Variants in RHOT1 observed in about 807,000 individuals in gnomAD.
RHOT1 encodes ras homolog family member T1.
RHOT1 carries 27 observed loss-of-function variants against 95.3 expected under a neutral mutation model. That is an observed-to-expected ratio of 0.28 (90% CI 0.21 to 0.39). The LOEUF is 0.39. Among genes scored for constraint, RHOT1 ranks in the 10% least tolerant of loss-of-function variants. RHOT1 has a pLI of 1.00. For synonymous variants in RHOT1, 227 were observed against 263.5 expected, an observed-to-expected ratio of 0.86 and a Z score of 1.34; for missense variants, 578 against 786.7, an observed-to-expected ratio of 0.73 and a Z score of 3.17.
chr17:32,185,709 C>CTT (rs57965854), intron 8 of RHOT1, among the ~76,000 whole-genome samples: 19 of 126,726 alleles, frequency 1.5e-4, no homozygotes, highest in East Asian at 2.3e-4. Context: ...TGCCCGGCCT[C>CTT]TTTTTTTTTT....
chr17:32,147,818 C>G (rs1053406994), intron 1 of RHOT1, among the ~76,000 whole-genome samples: 2 of 115,050 alleles, frequency 1.7e-5, no homozygotes, highest in Admixed American at 1.8e-4. Flanking sequence ...GACTCCATTT[C>G]AAAAAAAAAA....
At chr17:32,163,408 A>G (rs1411379328) in intron 1 of RHOT1, among the ~76,000 whole-genome samples, 2 of 152,194 alleles carry the variant, frequency 1.3e-5, no homozygotes, top group Non-Finnish European at 2.9e-5. Context: ...CATTTTTAAA[A>G]TTTTTCTTTT....
chr17:32,199,690 A>C (rs1421444117), intron 13 of RHOT1, 140 bp downstream of exon 13: 1 of 595,700 alleles, frequency 1.7e-6, no homozygotes, highest in African/African-American at 1.9e-5. Flanking sequence ...TTAGCTGCTG[A>C]TATCTCTAAG....
chr17:32,200,866 G>T, intron 13 of RHOT1, 90 bp from the exon 14 acceptor site: 1 of 840,472 alleles, frequency 1.2e-6, no homozygotes, highest in Non-Finnish European at 2.0e-6. Flanking sequence ...TCTAGGTCTG[G>T]TGCATAAAGT....
intron 1 of RHOT1, among the ~76,000 whole-genome samples, chr17:32,166,811 C>T (rs1457444694): frequency 6.6e-6 from 1 of 152,280 alleles, no homozygotes; most frequent in African/African-American, 2.4e-5. Flanking sequence ...TCTGCAATTC[C>T]TTCATTGAGG....
intron 8 of RHOT1, among the ~76,000 whole-genome samples, chr17:32,184,971 G>A (rs1052804205): frequency 1.3e-5 from 2 of 151,690 alleles, no homozygotes; most frequent in Non-Finnish European, 1.5e-5. Context: ...CCCAGGCTGG[G>A]GTGCAGTGAC....
chr17:32,143,021 C>A, intron 1 of RHOT1: 1 of 702,196 alleles, frequency 1.4e-6, no homozygotes, highest in East Asian at 2.8e-5. Flanking sequence ...CCTAACCGCC[C>A]GACCTCATCC....
chr17:32,221,800 A>T (rs2038851521), intron 19 of RHOT1, among the ~76,000 whole-genome samples: 1 of 152,216 alleles, frequency 6.6e-6, no homozygotes, highest in South Asian at 2.1e-4. Context: ...GTCAGTCAGA[A>T]TATATTATTT....
At chr17:32,205,533 C>G (rs2037650910) in intron 16 of RHOT1, among the ~76,000 whole-genome samples, 1 of 152,180 alleles carries the variant, frequency 6.6e-6, no homozygotes, top group Admixed American at 6.5e-5. Flanking sequence ...ATAGGCTACT[C>G]TAGGCACACT....
chr17:32,176,149 T>C lies in RHOT1; in HGVS notation c.277-12T>C. Reference sequence around the variant, plus strand: ...CTTATCATGGCTAAGCGCTTGTTAATTTTCATTTTAGGTAACAAGTCGATG... The same window carrying C: ...CTTATCATGGCTAAGCGCTTGTTAACTTTCATTTTAGGTAACAAGTCGATG... On this transcript the variant is annotated splice_polypyrimidine_tract_variant and intron_variant, in intron 5 of 19. Coordinates refer to ENST00000545287, the MANE Select transcript of RHOT1 (RefSeq NM_001033566.3). 2 of 1,610,660 alleles carry C rather than the reference T, an allele frequency of 1.2e-6. No homozygotes were observed. The highest frequency in any genetic ancestry group is 1.7e-6 in the Non-Finnish European group (2 of 1,178,662).
At chr17:32,196,845 C>T (rs1386703416) in intron 11 of RHOT1, among the ~76,000 whole-genome samples, 5 of 151,980 alleles carry the variant, frequency 3.3e-5, no homozygotes, top group African/African-American at 7.2e-5. Context: ...CTTTGGGGGC[C>T]GGGTGTGGTG....
intron 1 of RHOT1, chr17:32,150,759 T>A: frequency 6.3e-7 from 1 of 1,594,438 alleles, no homozygotes; most frequent in South Asian, 1.1e-5. Flanking sequence ...ACTGAGTATC[T>A]TGCATTTGGA....
intron 8 of RHOT1, among the ~76,000 whole-genome samples, chr17:32,185,385 T>C (rs1205145473): frequency 6.6e-6 from 1 of 151,908 alleles, no homozygotes; most frequent in Non-Finnish European, 1.5e-5. Context: ...GCTGGAATTA[T>C]AGGCGTGAAC....
intron 6 of RHOT1, among the ~76,000 whole-genome samples, chr17:32,181,561 G>A (rs1428527733): frequency 6.6e-6 from 1 of 151,954 alleles, no homozygotes; most frequent in Non-Finnish European, 1.5e-5. Flanking sequence ...AAATTTGTTA[G>A]TGATAGTGAA....
intron 13 of RHOT1, 54 bp downstream of exon 13, chr17:32,199,604 G>T: frequency 7.0e-7 from 1 of 1,436,864 alleles, no homozygotes; most frequent in East Asian, 2.5e-5. Context: ...TTAAAATTAT[G>T]GTGTATTACA....
chr17:32,213,340 T>G (rs1598460548), intron 19 of RHOT1, among the ~76,000 whole-genome samples: 2 of 152,210 alleles, frequency 1.3e-5, no homozygotes, highest in African/African-American at 4.8e-5. Context: ...TTGGTAGATA[T>G]GTACTGTTTT....
At chr17:32,150,356 C>CT (rs375982172) in intron 1 of RHOT1, 21,649 of 301,826 alleles carry the variant, frequency 0.072, no homozygotes, top group East Asian at 0.099. Flanking sequence ...TGCTAATGAA[C>CT]TTTTTTTTTT....
chr17:32,152,181 A>G (rs931991371), intron 1 of RHOT1, among the ~76,000 whole-genome samples: 19 of 152,224 alleles, frequency 1.2e-4, no homozygotes, highest in African/African-American at 4.3e-4. Flanking sequence ...GAGTAAAGCT[A>G]CTTGATTATT....
At chr17:32,187,183 A>G (rs188894756) in intron 8 of RHOT1, among the ~76,000 whole-genome samples, 2 of 152,148 alleles carry the variant, frequency 1.3e-5, no homozygotes, top group East Asian at 3.9e-4. Context: ...GCTACTCGGG[A>G]GGCTGAGGCA....
Sources: allele counts gnomAD v4.1 joint callset (sites outside exome capture counted in the v4.1 genomes callset), GRCh38; gene constraint gnomAD v4.1.1; transcripts MANE v1.5; gene names NCBI Gene and HGNC (gene_info 2026-07-23, HGNC 2026-07-21).